ITSN2: variants seen among roughly 807,000 people sequenced by gnomAD.
ITSN2 encodes intersectin-2.
In ITSN2, 156 loss-of-function variants were observed where a neutral mutation model predicts 243.7. The ratio of observed to expected loss-of-function variants is 0.64; its 90% CI spans 0.56 to 0.73. The LOEUF (loss-of-function observed/expected upper bound fraction) is 0.73, where lower values mean the gene tolerates loss of function less well. Ranked by LOEUF, ITSN2 falls within the 30% of genes least tolerant of loss-of-function variation. The pLI, the probability that ITSN2 is intolerant of heterozygous loss-of-function variation, is 0.00. For synonymous variants in ITSN2, 703 were observed against 699.9 expected (o/e 1.00, Z -0.07); for missense variants, 1,801 against 1,996.1 (o/e 0.90, Z 1.86).
At chr2:24,210,155 G>C (rs1286231921) in intron 34 of ITSN2, 122 bp from the exon 35 acceptor site, 3 of 670,296 alleles carry the variant, frequency 4.5e-6, no homozygotes, top group Admixed American at 2.7e-5. Context: ...AATGTGGCTA[G>C]AATCATTCAC....
chr2:24,229,833 G>A (rs1037736870), intron 29 of ITSN2, among the ~76,000 whole-genome samples: 7 of 151,890 alleles, frequency 4.6e-5, no homozygotes, highest in Non-Finnish European at 1.0e-4. Context: ...TTTTTCACTC[G>A]TCTTCCAGGT....
intron 33 of ITSN2, 48 bp downstream of exon 33, chr2:24,212,602 C>A: frequency 6.9e-7 from 1 of 1,454,414 alleles, no homozygotes; most frequent in South Asian, 1.3e-5. Context: ...TGGACCTCAG[C>A]GCATCCTGCT....
chr2:24,223,291 C>A (rs1057004685), intron 29 of ITSN2, among the ~76,000 whole-genome samples: 1 of 152,108 alleles, frequency 6.6e-6, no homozygotes, highest in African/African-American at 2.4e-5. Flanking sequence ...CTAAGGAAGA[C>A]AGCTTTTCTA....
Position 24,315,204 on chromosome 2 carries a change from T to G in ITSN2, c.52A>C (p.Ile18Leu), listed in dbSNP as rs140770063. 1.9e-6 allele frequency: 3 copies of G among 1,611,682 alleles called. No individual in the cohort carries two copies. In the East Asian group the frequency reaches 6.7e-5, roughly 36 times the overall value. Reference sequence around the variant, plus strand: ...TGCTTAGTACGTTCTTCAGAGGTAATAGCCCACATGTTTGGCCCTCCTGAA... The same window carrying G: ...TGCTTAGTACGTTCTTCAGAGGTAAGAGCCCACATGTTTGGCCCTCCTGAA... The part of the protein sequence containing the change: ...AMNGGPNMWA[I>L]TSEERTKHDR... Residue 18 changes from isoleucine (I) to leucine (L), a missense_variant, in exon 3 of 40, where the codon ATT (isoleucine) becomes CTT (leucine). Transcript: ENST00000355123.
Position 24,291,783 on chromosome 2 carries a change from C to T in ITSN2, c.1723+1905G>A, listed in dbSNP as rs183232916. Among the ~76,000 whole-genome samples, 234 of 152,262 alleles carry T rather than the reference C, an allele frequency of 1.5e-3. 1 individual carries two copies. Among genetic ancestry groups the T allele is most frequent in the African/African-American group, 5.3e-3 (221 of 41,552 alleles). On this transcript the variant is annotated intron_variant, in intron 15 of 39. Coordinates refer to ENST00000355123, the MANE Select transcript of ITSN2 (RefSeq NM_006277.3). ...GATTGCAGGCATGAGCCACTGCACC[C>T]GGCCCATATTTCTGCTTTATTCATA...
Position 24,212,888 on chromosome 2 carries a change from G to C in ITSN2, c.3991-140C>G, listed in dbSNP as rs973724207. 3 of 682,500 alleles carry C rather than the reference G, an allele frequency of 4.4e-6. No homozygotes were observed. In the African/African-American group the frequency reaches 5.5e-5, roughly 13 times the overall value. The allele number at this position is 682,500 out of a possible 1,614,324, so 42.3% of individuals were successfully genotyped here. On this transcript the variant is annotated intron_variant, in intron 32 of 39. Coordinates refer to ENST00000355123, the MANE Select transcript of ITSN2 (RefSeq NM_006277.3). Reference sequence around the variant, plus strand: ...TCTTACTGTTTTAGAATTTTTTTTAGGTGAGTGTTCTATTTTTTATTTTTA... The same window carrying C: ...TCTTACTGTTTTAGAATTTTTTTTACGTGAGTGTTCTATTTTTTATTTTTA...
At position 24,204,495 on chromosome 2, in the gene ITSN2, G is replaced by A; in HGVS notation, c.4763-77C>T. 1.5e-6 allele frequency: 2 copies of A among 1,318,692 alleles called. No individual in the cohort carries two copies. The highest frequency in any genetic ancestry group is 2.2e-6 in the Non-Finnish European group (2 of 912,180). 81.7% of individuals were successfully genotyped at this position (1,318,692 alleles called of 1,614,324 possible). A position where few individuals can be genotyped will look rare whatever the true frequency, so the allele number is the denominator to read the frequency against. On this transcript the variant is annotated intron_variant, in intron 38 of 39. Coordinates refer to ENST00000355123, the MANE Select transcript of ITSN2 (RefSeq NM_006277.3). The surrounding 1 kb of genome is among the most constrained non-coding windows in gnomAD (Gnocchi z 5.1). Reference sequence around the variant, plus strand: ...CGACTGACAGTGCCCTCCCTGAGCAGAAGCAGGATTCCAATAATGGGTCAC... The same window carrying A: ...CGACTGACAGTGCCCTCCCTGAGCAAAAGCAGGATTCCAATAATGGGTCAC...
chr2:24,330,642 C>T (rs1685676982), intron 1 of ITSN2: 6 of 744,490 alleles, frequency 8.1e-6, no homozygotes, highest in Non-Finnish European at 1.5e-5. Flanking sequence ...AGACGGGGCA[C>T]AGAAAGCTGA....
chr2:24,211,059 G>A lies in ITSN2; in HGVS notation c.4090-112C>T. On this transcript the variant is annotated intron_variant, in intron 33 of 39. Coordinates refer to ENST00000355123, the MANE Select transcript of ITSN2 (RefSeq NM_006277.3). The surrounding 1 kb of genome is among the most constrained non-coding windows in gnomAD (Gnocchi z 4.1). ...ATGTTATGGACTGCTTCCATGCCCT[G>A]GAAACGCGGCGGTGAACAAGACGAC... 1.0e-6 allele frequency: 1 copy of A among 998,730 alleles called. No individual in the cohort carries two copies. Among genetic ancestry groups the A allele is most frequent in the Non-Finnish European group, 1.5e-6 (1 of 671,722 alleles). 61.9% of individuals were successfully genotyped at this position (998,730 alleles called of 1,614,324 possible).
intron 2 of ITSN2, among the ~76,000 whole-genome samples, chr2:24,327,520 A>G (rs1412727732): frequency 1.3e-5 from 2 of 151,964 alleles, no homozygotes; most frequent in African/African-American, 4.8e-5. Flanking sequence ...GCTGGTCTCG[A>G]ACTCCTGACC....
intron 20 of ITSN2, among the ~76,000 whole-genome samples, chr2:24,266,014 T>C (rs978611218): frequency 1.3e-5 from 2 of 152,210 alleles, no homozygotes; most frequent in Non-Finnish European, 2.9e-5. Context: ...TGCCCTCCTC[T>C]AGGGTATCTT....
chr2:24,292,919 A>C (rs909208976), intron 15 of ITSN2, among the ~76,000 whole-genome samples: 2 of 152,204 alleles, frequency 1.3e-5, no homozygotes, highest in African/African-American at 4.8e-5. Context: ...AAACAGCCAA[A>C]ACTATAATAA....
chr2:24,291,263 G>A (rs559638794), intron 15 of ITSN2, among the ~76,000 whole-genome samples: 1 of 152,096 alleles, frequency 6.6e-6, no homozygotes, highest in East Asian at 1.9e-4. Context: ...CCGAGTAGCT[G>A]AGACCACAGA....
intron 8 of ITSN2, among the ~76,000 whole-genome samples, chr2:24,307,360 A>C (rs1418244762): frequency 6.6e-6 from 1 of 152,210 alleles, no homozygotes; most frequent in Non-Finnish European, 1.5e-5. Context: ...ATGTAAAAAA[A>C]AAAAAGTGTC....
chr2:24,217,819 C>A, intron 31 of ITSN2, 88 bp downstream of exon 31: 1 of 764,486 alleles, frequency 1.3e-6, no homozygotes, highest in South Asian at 2.0e-5. Context: ...AGTTCCTTTG[C>A]TAAGAAGCCC....
chr2:24,298,574 G>T, intron 13 of ITSN2, 91 bp downstream of exon 13: 2 of 1,223,390 alleles, frequency 1.6e-6, no homozygotes, highest in Non-Finnish European at 2.3e-6. Flanking sequence ...AGGATAACAG[G>T]TGTGAGCCAC....
intron 1 of ITSN2, among the ~76,000 whole-genome samples, chr2:24,329,662 T>C (rs1685557991): frequency 6.6e-6 from 1 of 152,180 alleles, no homozygotes; most frequent in African/African-American, 2.4e-5. Flanking sequence ...GATCATAATA[T>C]TGCAGGAAAA....
At chr2:24,236,557 TAG>T (rs1380507968) in intron 29 of ITSN2, among the ~76,000 whole-genome samples, 1 of 152,242 alleles carries the variant, frequency 6.6e-6, no homozygotes, top group East Asian at 1.9e-4. Context: ...ACTATTGTCA[TAG>T]AGTCTTGTCC....
At chr2:24,205,321 CATT>C in intron 37 of ITSN2, 24 bp from the exon 38 acceptor site, 2 of 1,594,838 alleles carry the variant, frequency 1.3e-6, no homozygotes, top group African/African-American at 2.7e-5. Context: ...AGACAAGTCT[CATT>C]AATCTCTTCT....
Sources: gnomAD v4.1 joint callset for allele counts (sites outside exome capture counted in the v4.1 genomes callset) on GRCh38, gnomAD v4.1.1 for gene constraint, Gnocchi (gnomAD v3.1) non-coding constraint, MANE v1.5 for transcripts, NCBI Gene and HGNC (gene_info 2026-07-23, HGNC 2026-07-21) for gene names.